The following FLT3LG variants were observed in gnomAD, a reference collection of about 807,000 sequenced individuals.
FLT3LG encodes the protein fms related receptor tyrosine kinase 3 ligand, also known as fms-related tyrosine kinase 3 ligand.
A neutral mutation model predicts 30.9 loss-of-function variants in FLT3LG; 8 were observed. That is an observed-to-expected ratio of 0.26 (90% CI 0.15 to 0.47). The LOEUF (loss-of-function observed/expected upper bound fraction) is 0.47. FLT3LG is among the 20% of genes least tolerant of loss of function. FLT3LG has a pLI of 0.99. For missense variants in FLT3LG, 278 were observed against 306.2 expected, an observed-to-expected ratio of 0.91 and a Z score of 0.69; for synonymous variants, 123 against 135.9, an observed-to-expected ratio of 0.91 and a Z score of 0.66.
In FLT3LG at chr19:49,475,831, G is replaced by C. The variant is rs767544916; in HGVS notation, c.144+30G>C. ...GCGGCGCTGCCCCGGACCCCCTCATGTGATCCCCCTTCCCCCCACTTTTTT... is the reference window on the plus strand; with the variant it reads ...GCGGCGCTGCCCCGGACCCCCTCATCTGATCCCCCTTCCCCCCACTTTTTT... On this transcript the variant is annotated intron_variant, in intron 3 of 8. Transcript: ENST00000597551. The C allele has an allele frequency of 3.8e-6, 6 of 1,580,824 alleles. No homozygotes were observed. In the African/African-American group the frequency reaches 8.4e-5, roughly 22 times the overall value.
intron 5 of FLT3LG, 70 bp from the exon 6 acceptor site, chr19:49,478,839 A>AG: frequency 2.2e-6 from 3 of 1,372,736 alleles, no homozygotes; most frequent in Non-Finnish European, 2.9e-6. Flanking sequence ...CCAGCAGGGA[A>AG]GGGCCTTTGG....
chr19:49,481,740 G>A (rs2079619199), intron 8 of FLT3LG: 1 of 152,268 alleles, frequency 6.6e-6, no homozygotes, highest in Admixed American at 6.6e-5. Flanking sequence ...CACCCAGGCT[G>A]GAGTGCAGTG....
chr19:49,480,236 C>G, intron 6 of FLT3LG, 62 bp from the exon 7 acceptor site: 40 of 1,251,144 alleles, frequency 3.2e-5, no homozygotes, highest in Non-Finnish European at 3.8e-5. Flanking sequence ...GCAGCCAGGC[C>G]TCTCTTTCCT....
At position 49,479,668 on chromosome 19, in the gene FLT3LG, A is replaced by ATT. The variant is rs200699056; in HGVS notation, c.482-620_482-619dup. On this transcript the variant is annotated intron_variant, in intron 6 of 8. Transcript: ENST00000597551. ...AGGCGCCTGCCACCTCACGCGGCTA[A>ATT]TTTTTTTTTTTGTATTTTTAGTAGA... The ATT allele has an allele frequency of 5.0e-3, 953 of 192,234 alleles. 10 individuals are homozygous for ATT. The highest frequency in any genetic ancestry group is 0.018 in the African/African-American group (694 of 38,390). The allele number at this position is 192,234 out of a possible 1,614,324, so 11.9% of individuals were successfully genotyped here.
intron 8 of FLT3LG, among the ~76,000 whole-genome samples, chr19:49,484,651 C>G (rs896191847): frequency 6.6e-6 from 1 of 151,858 alleles, no homozygotes; most frequent in Non-Finnish European, 1.5e-5. Flanking sequence ...CACACACCAC[C>G]ACACCTGGCT....
chr19:49,475,934 C>T, intron 3 of FLT3LG, 133 bp downstream of exon 3: 2 of 1,028,786 alleles, frequency 1.9e-6, no homozygotes, highest in African/African-American at 1.6e-5. Flanking sequence ...GATCCTCCCA[C>T]CTTGGCCTCC....
chr19:49,483,120 A>C (rs573967953), intron 8 of FLT3LG, among the ~76,000 whole-genome samples: 8 of 151,870 alleles, frequency 5.3e-5, no homozygotes, highest in African/African-American at 1.9e-4. Flanking sequence ...CGTATAGTTT[A>C]TTTATTTATT....
Position 49,476,654 on chromosome 19 carries a change from T to C in FLT3LG, c.342+88T>C. On this transcript the variant is annotated intron_variant, in intron 5 of 8. Coordinates refer to ENST00000597551, the MANE Select transcript of FLT3LG (RefSeq NM_001459.4). The surrounding 1 kb of genome is among the most constrained non-coding windows in gnomAD (Gnocchi z 5.3). ...AAGCTCCACTAGGCCTTATTGGCGA[T>C]TTGGACCATAGCCACCCAACGAAGG... is the stretch of plus-strand genomic sequence containing the variant. 6.4e-7 allele frequency: 1 copy of C among 1,570,580 alleles called. No individual in the cohort carries two copies. The highest frequency in any genetic ancestry group is 1.4e-5 in the African/African-American group (1 of 73,722).
intron 2 of FLT3LG, among the ~76,000 whole-genome samples, 200 bp downstream of exon 2, chr19:49,474,872 CAG>C (rs1292166074): frequency 9.6e-5 from 8 of 83,552 alleles, no homozygotes; most frequent in Admixed American, 1.6e-4. Flanking sequence ...GGGAGATGGA[CAG>C]AGGAGGGGGA....
In FLT3LG at chr19:49,476,283, C is replaced by G; in HGVS notation, c.198+85C>G. Reference sequence around the variant, plus strand: ...ACCGAGGCGAGTGGATAACCAGGCCCTCCCCTCCCCAAACCCAGGAATCAG... The same window carrying G: ...ACCGAGGCGAGTGGATAACCAGGCCGTCCCCTCCCCAAACCCAGGAATCAG... On this transcript the variant is annotated intron_variant, in intron 4 of 8. Transcript: ENST00000597551. The surrounding 1 kb of genome is among the most constrained non-coding windows in gnomAD (Gnocchi z 5.3). 4 of 1,441,732 alleles carry G rather than the reference C, an allele frequency of 2.8e-6. No individual in the cohort carries two copies. Among genetic ancestry groups the G allele is most frequent in the Non-Finnish European group, 3.9e-6 (4 of 1,030,926 alleles). The allele number at this position is 1,441,732 out of a possible 1,614,324, so 89.3% of individuals were successfully genotyped here.
intron 8 of FLT3LG, among the ~76,000 whole-genome samples, chr19:49,485,248 CTTTTTTTTT>C (rs55877586): frequency 1.6e-5 from 2 of 121,848 alleles, no homozygotes; most frequent in South Asian, 2.5e-4. Flanking sequence ...TCTTTTTTTT[CTTTTTTTTT>C]TTTTTTTTGA....
Position 49,476,259 on chromosome 19 carries a change from C to A in FLT3LG, c.198+61C>A. ...GGGACCACAGACTCAAGATGCTCCA[C>A]CGAGGCGAGTGGATAACCAGGCCCT... is the stretch of plus-strand genomic sequence containing the variant. On this transcript the variant is annotated intron_variant, in intron 4 of 8. Transcript: ENST00000597551. The surrounding 1 kb of genome is among the most constrained non-coding windows in gnomAD (Gnocchi z 5.3). The A allele has an allele frequency of 6.7e-7, 1 of 1,498,142 alleles. No homozygotes were observed. The highest frequency in any genetic ancestry group is 9.3e-7 in the Non-Finnish European group (1 of 1,080,534). The allele number at this position is 1,498,142 out of a possible 1,614,324, so 92.8% of individuals were successfully genotyped here.
chr19:49,482,573 C>A (rs1734013849), intron 8 of FLT3LG, among the ~76,000 whole-genome samples: 1 of 151,704 alleles, frequency 6.6e-6, no homozygotes, highest in South Asian at 2.1e-4. Flanking sequence ...TAGAGCAACG[C>A]AGTGGAAACG....
intron 1 of FLT3LG, 65 bp from the exon 2 acceptor site, chr19:49,474,522 GAGGGGCGGGGAGGCAA>G: frequency 1.0e-6 from 1 of 984,614 alleles, no homozygotes; most frequent in Non-Finnish European, 1.6e-6. Flanking sequence ...TGGGACGCGG[GAGGGGCGGGGAGGCAA>G]AGGGGCGGGC....
At chr19:49,477,835 C>T (rs2079447428) in intron 5 of FLT3LG, among the ~76,000 whole-genome samples, 1 of 151,540 alleles carries the variant, frequency 6.6e-6, no homozygotes, top group African/African-American at 2.4e-5. Context: ...ATCACGAGGT[C>T]AGGAGTTTGA....
rs963556052 is a variant in FLT3LG, at chr19:49,476,292, C to A, written c.198+94C>A. 1.4e-6 allele frequency: 2 copies of A among 1,452,784 alleles called. No homozygotes were observed. Among genetic ancestry groups the A allele is most frequent in the Non-Finnish European group, 1.9e-6 (2 of 1,041,396 alleles). 90.0% of individuals were successfully genotyped at this position (1,452,784 alleles called of 1,614,324 possible). ...AGTGGATAACCAGGCCCTCCCCTCC[C>A]CAAACCCAGGAATCAGAGTCCTCAG... On this transcript the variant is annotated intron_variant, in intron 4 of 8. Coordinates refer to ENST00000597551, the MANE Select transcript of FLT3LG (RefSeq NM_001459.4). This position sits in a 1 kb window ranked among gnomAD's most constrained non-coding sequence, Gnocchi z 5.3.
At position 49,476,754 on chromosome 19, in the gene FLT3LG, C is replaced by T; in HGVS notation, c.342+188C>T. ...GTCCCCAGGCACCGGTGATGGGGAG[C>T]AGTCTGGTCCCATTCTGGGGCCCCG... On this transcript the variant is annotated intron_variant, in intron 5 of 8. Transcript: ENST00000597551. This position sits in a 1 kb window ranked among gnomAD's most constrained non-coding sequence, Gnocchi z 5.3. 2 of 700,550 alleles carry T rather than the reference C, an allele frequency of 2.9e-6. No individual in the cohort carries two copies. Among genetic ancestry groups the T allele is most frequent in the Non-Finnish European group, 4.6e-6 (2 of 438,238 alleles). The allele number at this position is 700,550 out of a possible 1,614,324, so 43.4% of individuals were successfully genotyped here. A position where few individuals can be genotyped will look rare whatever the true frequency, so the allele number is the denominator to read the frequency against.
intron 3 of FLT3LG, 26 bp downstream of exon 3, chr19:49,475,827 T>A: frequency 7.3e-7 from 1 of 1,376,654 alleles, no homozygotes; most frequent in Non-Finnish European, 9.8e-7. Flanking sequence ...CCGGACCCCC[T>A]CATGTGATCC....
At chr19:49,480,235 C>A in intron 6 of FLT3LG, 63 bp from the exon 7 acceptor site, 1 of 1,194,344 alleles carries the variant, frequency 8.4e-7, no homozygotes, top group Non-Finnish European at 1.2e-6. Flanking sequence ...GGCAGCCAGG[C>A]CTCTCTTTCC....
Sources: allele counts gnomAD v4.1 joint callset (sites outside exome capture counted in the v4.1 genomes callset), GRCh38; gene constraint gnomAD v4.1.1; non-coding constraint Gnocchi (gnomAD v3.1); transcripts MANE v1.5; gene names NCBI Gene and HGNC (gene_info 2026-07-23, HGNC 2026-07-21).